Variants in ANKRD30A observed in about 807,000 individuals in gnomAD.
The protein encoded by ANKRD30A is ankyrin repeat domain-containing protein 30A.
ANKRD30A carries 170 observed loss-of-function variants against 166.3 expected under a neutral mutation model. That is an observed-to-expected ratio of 1.02 (90% CI 0.90 to 1.16). ANKRD30A has a LOEUF of 1.16. Among genes scored for constraint, ANKRD30A ranks in the 50% most tolerant of loss-of-function variants. The pLI, the probability that ANKRD30A is intolerant of heterozygous loss-of-function variation, is 0.00. For missense variants in ANKRD30A, 1,630 were observed against 1,518.0 expected (o/e 1.07, Z -1.23); for synonymous variants, 564 against 508.9 (o/e 1.11, Z -1.46).
At chr10:37,247,551 A>G in the ANKRD30A span, among the ~76,000 whole-genome samples, 1 of 151,930 alleles carries the variant, frequency 6.6e-6, no homozygotes, top group Non-Finnish European at 1.5e-5. Flanking sequence ...TGCAGAGGGC[A>G]GAGGGTGGGA....
chr10:37,245,673 T>C, the ANKRD30A span, among the ~76,000 whole-genome samples: 2 of 152,062 alleles, frequency 1.3e-5, no homozygotes. Context: ...AGAAGTATGC[T>C]CATGTCTTAA....
At chr10:37,162,399 T>G (rs1366950816) in intron 15 of ANKRD30A, among the ~76,000 whole-genome samples, 1 of 152,214 alleles carries the variant, frequency 6.6e-6, no homozygotes, top group Non-Finnish European at 1.5e-5. Flanking sequence ...ATCAACCCTT[T>G]ATACACATGA....
intron 6 of ANKRD30A, among the ~76,000 whole-genome samples, chr10:37,137,372 T>C (rs901450354): frequency 9.9e-5 from 15 of 152,216 alleles, no homozygotes; most frequent in East Asian, 9.7e-4. Context: ...TGTTGGAAAG[T>C]GGGCGCAGGA....
At chr10:37,224,713 A>T (rs1843064093) in intron 34 of ANKRD30A, among the ~76,000 whole-genome samples, 2 of 151,376 alleles carry the variant, frequency 1.3e-5, no homozygotes. Context: ...ATGGTTTTGG[A>T]TGCCTTTCAC....
At chr10:37,141,592 A>AAAG in intron 6 of ANKRD30A, 126 bp from the exon 7 acceptor site, 1 of 1,303,412 alleles carries the variant, frequency 7.7e-7, no homozygotes, top group Non-Finnish European at 1.0e-6. Context: ...AAAAAAAAAA[A>AAAG]AGAGAAAAGA....
downstream of ANKRD30A, among the ~76,000 whole-genome samples, chr10:37,236,004 G>A (rs573963426): frequency 2.6e-5 from 4 of 152,108 alleles, no homozygotes; most frequent in Admixed American, 2.0e-4. Context: ...TCCTGACCTC[G>A]TGATCTGCCT....
At chr10:37,194,497 C>T (rs1277973453) in intron 27 of ANKRD30A, among the ~76,000 whole-genome samples, 12 of 151,902 alleles carry the variant, frequency 7.9e-5, no homozygotes, top group African/African-American at 2.9e-4. Flanking sequence ...CGTGCCACCA[C>T]GCCTGGCTAA....
At chr10:37,126,182 C>T (rs1464568502) in intron 1 of ANKRD30A, among the ~76,000 whole-genome samples, 174 bp downstream of exon 1, 1 of 152,148 alleles carries the variant, frequency 6.6e-6, no homozygotes, top group Non-Finnish European at 1.5e-5. Context: ...CTGGGCAGGC[C>T]CCCAGGCTTG....
chr10:37,144,712 C>T (rs1351535039), intron 7 of ANKRD30A, among the ~76,000 whole-genome samples: 3 of 152,140 alleles, frequency 2.0e-5, no homozygotes, highest in South Asian at 2.1e-4. Context: ...GTATGCTTCA[C>T]GGGAGAAGAG....
downstream of ANKRD30A, among the ~76,000 whole-genome samples, chr10:37,233,945 A>C (rs943667276): frequency 6.6e-6 from 1 of 152,204 alleles, no homozygotes; most frequent in Non-Finnish European, 1.5e-5. Flanking sequence ...TTAAAATAGC[A>C]TTGATACTGA....
the ANKRD30A span, chr10:37,242,069 A>G: frequency 2.0e-5 from 3 of 152,168 alleles, no homozygotes; most frequent in Non-Finnish European, 4.4e-5. Context: ...CTTGTCTATA[A>G]TATTCCTTGT....
chr10:37,126,086 TG>T, intron 1 of ANKRD30A, 78 bp downstream of exon 1: 34 of 1,426,610 alleles, frequency 2.4e-5, no homozygotes, highest in African/African-American at 2.9e-5. Context: ...AGTCGGGGGC[TG>T]GGGGGCCTGG....
At chr10:37,227,861 A>G (rs1242784901) in intron 34 of ANKRD30A, among the ~76,000 whole-genome samples, 1 of 151,990 alleles carries the variant, frequency 6.6e-6, no homozygotes, top group Non-Finnish European at 1.5e-5. Context: ...GATGTTATCC[A>G]TCCTGGGAAG....
intron 6 of ANKRD30A, among the ~76,000 whole-genome samples, chr10:37,139,655 C>T (rs1377770945): frequency 6.6e-6 from 1 of 152,228 alleles, no homozygotes; most frequent in African/African-American, 2.4e-5. Context: ...CCTATAACTT[C>T]ATATTAAAAT....
At chr10:37,191,798 A>G (rs1840599934) in intron 25 of ANKRD30A, among the ~76,000 whole-genome samples, 1 of 152,064 alleles carries the variant, frequency 6.6e-6, no homozygotes, top group African/African-American at 2.4e-5. Context: ...GATCCAGACC[A>G]TCCTGGCTAA....
At chr10:37,189,819 A>C (rs2997354) in intron 25 of ANKRD30A, among the ~76,000 whole-genome samples, 66,596 of 143,808 alleles carry the variant, frequency 0.46, 14,585 homozygotes, top group African/African-American at 0.55. Context: ...GAAAGAAGAA[A>C]GTAGTAATAG....
At chr10:37,232,454 T>A (rs2132768778) in intron 35 of ANKRD30A, 45 bp from the exon 36 acceptor site, 1 of 151,046 alleles carries the variant, frequency 6.6e-6, no homozygotes, top group South Asian at 2.1e-4. Context: ...AGTCTTTTAA[T>A]AGCAACTACA....
At chr10:37,148,944 CTTTATAATATAAAAAGTTAT>C (rs1169502489) in intron 9 of ANKRD30A, among the ~76,000 whole-genome samples, 43 of 151,828 alleles carry the variant, frequency 2.8e-4, no homozygotes, top group Admixed American at 1.5e-3. Context: ...ATTGTGGTGA[CTTTATAATATAAAAAGTTAT>C]TTATGTTTAA....
Position 37,193,052 on chromosome 10 carries a change from C to G in ANKRD30A, c.2513-12C>G. The G allele has an allele frequency of 6.2e-7, 1 of 1,608,734 alleles. No individual in the cohort carries two copies. The highest frequency in any genetic ancestry group is 8.5e-7 in the Non-Finnish European group (1 of 1,176,788). On this transcript the variant is annotated splice_polypyrimidine_tract_variant and intron_variant, in intron 25 of 35. Coordinates refer to ENST00000361713, the MANE Select transcript of ANKRD30A (RefSeq NM_052997.3). ...TGCATACAATAAATTATATATGTCC[C>G]TTTTCTTTTAGAGTCTCCTGATAAT...
Sources: gnomAD v4.1 joint callset for allele counts (sites outside exome capture counted in the v4.1 genomes callset) on GRCh38, gnomAD v4.1.1 for gene constraint, MANE v1.5 for transcripts, NCBI Gene and HGNC (gene_info 2026-07-23, HGNC 2026-07-21) for gene names.